Variants in PTPRG observed in about 807,000 individuals in gnomAD.
PTPRG encodes the protein receptor-type tyrosine-protein phosphatase gamma.
Under a neutral mutation model 165.3 loss-of-function variants are expected in PTPRG, and 102 were observed. The ratio of observed to expected loss-of-function variants is 0.62; its 90% CI spans 0.53 to 0.73. The LOEUF (loss-of-function observed/expected upper bound fraction) is 0.73, where lower values mean the gene tolerates loss of function less well. Ranked by LOEUF, PTPRG falls within the 30% of genes least tolerant of loss-of-function variation. PTPRG has a pLI of 0.00. For synonymous variants in PTPRG, 675 were observed against 669.5 expected, an observed-to-expected ratio of 1.01 and a Z score of -0.13; for missense variants, 1,866 against 1,861.4, an observed-to-expected ratio of 1.00 and a Z score of -0.05.
intron 2 of PTPRG, among the ~76,000 whole-genome samples, chr3:61,796,382 G>A (rs1296237737): frequency 2.6e-5 from 4 of 152,192 alleles, no homozygotes. Context: ...AAACCAAAAA[G>A]GAATGTAATA....
At chr3:62,081,193 C>T (rs1701561314) in intron 5 of PTPRG, among the ~76,000 whole-genome samples, 1 of 150,718 alleles carries the variant, frequency 6.6e-6, no homozygotes, top group Admixed American at 6.6e-5. Flanking sequence ...GGAGGCAGAG[C>T]TTGCAGTGAG....
intron 1 of PTPRG, among the ~76,000 whole-genome samples, chr3:61,564,147 C>T (rs775835066): frequency 2.0e-5 from 3 of 152,202 alleles, no homozygotes; most frequent in Non-Finnish European, 4.4e-5. Context: ...TGCCTTCATT[C>T]ACTAAAAGAT....
intron 2 of PTPRG, among the ~76,000 whole-genome samples, chr3:61,877,735 T>C (rs1207159952): frequency 6.6e-6 from 1 of 152,172 alleles, no homozygotes; most frequent in African/African-American, 2.4e-5. Flanking sequence ...GGAGAAAATG[T>C]AAAATGCATG....
At chr3:62,086,288 T>C (rs1482741239) in intron 5 of PTPRG, among the ~76,000 whole-genome samples, 1 of 151,958 alleles carries the variant, frequency 6.6e-6, no homozygotes, top group Non-Finnish European at 1.5e-5. Flanking sequence ...ATTTTTTTTT[T>C]TCTTTTCATG....
rs1307673288 is a variant in PTPRG at position 62,003,502 on chromosome 3, G to C, written c.519+5G>C. 2 of 1,613,452 alleles carry C rather than the reference G, an allele frequency of 1.2e-6. No homozygotes were observed. Among genetic ancestry groups the C allele is most frequent in the Non-Finnish European group, 1.7e-6 (2 of 1,179,768 alleles). On this transcript the variant is annotated splice_donor_5th_base_variant and intron_variant, in intron 4 of 29. Transcript: ENST00000474889. ...GGCAGGAGGTTTCCTGTTGAGGTGAGAGAAAGTCAAGATCTCAACGTGTAG... is the reference window on the plus strand; with the variant it reads ...GGCAGGAGGTTTCCTGTTGAGGTGACAGAAAGTCAAGATCTCAACGTGTAG...
intron 1 of PTPRG, among the ~76,000 whole-genome samples, chr3:61,568,516 G>A (rs1216649737): frequency 5.3e-5 from 8 of 152,154 alleles, no homozygotes; most frequent in Non-Finnish European, 8.8e-5. Flanking sequence ...CAAGATATTT[G>A]GTGTTTTGAC....
intron 2 of PTPRG, among the ~76,000 whole-genome samples, chr3:61,764,173 AG>A (rs1351722237): frequency 6.6e-6 from 1 of 152,154 alleles, no homozygotes; most frequent in African/African-American, 2.4e-5. Context: ...TCTAAAATTC[AG>A]GTAGACCTCC....
intron 1 of PTPRG, among the ~76,000 whole-genome samples, chr3:61,613,948 A>G (rs1451762488): frequency 6.6e-6 from 1 of 152,154 alleles, no homozygotes; most frequent in Non-Finnish European, 1.5e-5. Context: ...TCCCAAATAA[A>G]TCTTGAATCT....
At chr3:61,756,670 A>T (rs1188417519) in intron 2 of PTPRG, among the ~76,000 whole-genome samples, 2 of 152,236 alleles carry the variant, frequency 1.3e-5, no homozygotes, top group East Asian at 3.8e-4. Flanking sequence ...ATGCTAATGC[A>T]TTAATATATT....
chr3:61,963,617 T>G (rs889814363), intron 2 of PTPRG, among the ~76,000 whole-genome samples: 2 of 152,212 alleles, frequency 1.3e-5, no homozygotes, highest in African/African-American at 4.8e-5. Context: ...TATTTTATTT[T>G]CACAGGTCTC....
intron 2 of PTPRG, among the ~76,000 whole-genome samples, chr3:61,817,048 ATT>A (rs2035792900): frequency 7.8e-6 from 1 of 129,008 alleles, no homozygotes; most frequent in African/African-American, 3.0e-5. Flanking sequence ...AATATATAAT[ATT>A]ATATATAATA....
intron 2 of PTPRG, among the ~76,000 whole-genome samples, chr3:61,830,414 A>T (rs1236392420): frequency 1.3e-5 from 2 of 152,110 alleles, no homozygotes; most frequent in Non-Finnish European, 2.9e-5. Context: ...AATCTCTCCA[A>T]CTGTCTGTCT....
chr3:61,717,964 G>C (rs2106777300), intron 1 of PTPRG, among the ~76,000 whole-genome samples: 1 of 151,944 alleles, frequency 6.6e-6, no homozygotes, highest in East Asian at 1.9e-4. Context: ...TGGATCACTT[G>C]AGGTCAGGAG....
chr3:61,828,016 G>A (rs1447833933), intron 2 of PTPRG, among the ~76,000 whole-genome samples: 3 of 152,066 alleles, frequency 2.0e-5, no homozygotes, highest in Non-Finnish European at 2.9e-5. Flanking sequence ...CTGATTCTTA[G>A]ATCAAGTCAG....
intron 2 of PTPRG, among the ~76,000 whole-genome samples, chr3:61,887,321 A>G (rs1263614881): frequency 1.3e-5 from 2 of 151,880 alleles, no homozygotes; most frequent in South Asian, 2.1e-4. Context: ...TGCTCTAACT[A>G]AGAGCCATTA....
chr3:61,680,934 C>G (rs539041349), intron 1 of PTPRG, among the ~76,000 whole-genome samples: 1 of 71,810 alleles, frequency 1.4e-5, no homozygotes, highest in African/African-American at 3.9e-5. Flanking sequence ...GTATGGAAAT[C>G]ATTATTTTCA....
intron 2 of PTPRG, among the ~76,000 whole-genome samples, chr3:61,902,265 G>T (rs2038518066): frequency 6.6e-6 from 1 of 152,152 alleles, no homozygotes; most frequent in African/African-American, 2.4e-5. Flanking sequence ...CTGCCTGCTT[G>T]TTTGGAAAGA....
chr3:61,748,849 G>C (rs749616552), intron 1 of PTPRG, 29 bp from the exon 2 acceptor site: 3 of 1,586,874 alleles, frequency 1.9e-6, no homozygotes, highest in Non-Finnish European at 2.6e-6. Flanking sequence ...TGCTGCCTTT[G>C]TCTCATTGTG....
chr3:62,166,999 A>T (rs1705013413), intron 7 of PTPRG, among the ~76,000 whole-genome samples: 1 of 152,088 alleles, frequency 6.6e-6, no homozygotes, highest in Non-Finnish European at 1.5e-5. Context: ...ATCCCTTTTG[A>T]TAATAGAAAT....
Sources: allele counts gnomAD v4.1 joint callset (sites outside exome capture counted in the v4.1 genomes callset), GRCh38; gene constraint gnomAD v4.1.1; transcripts MANE v1.5; gene names NCBI Gene and HGNC (gene_info 2026-07-23, HGNC 2026-07-21).